Variants in RTKN2 observed in about 807,000 individuals in gnomAD.
RTKN2 encodes the protein rhotekin 2.
A neutral mutation model predicts 71.5 loss-of-function variants in RTKN2; 69 were observed. That is an observed-to-expected ratio of 0.96 (90% CI 0.79 to 1.18). RTKN2 has a LOEUF of 1.18. RTKN2 is among the 50% of genes most tolerant of loss of function. The pLI is 0.00. For synonymous variants in RTKN2, 236 were observed against 236.5 expected (o/e 1.00, Z 0.02); for missense variants, 724 against 719.7 (o/e 1.01, Z -0.07).
downstream of RTKN2, among the ~76,000 whole-genome samples, chr10:62,188,967 C>CACAAGG (rs1841178361): frequency 6.6e-6 from 1 of 151,706 alleles, no homozygotes; most frequent in African/African-American, 2.4e-5. Flanking sequence ...CCAGGATGAT[C>CACAAGG]TCGATCTCCT....
Position 62,196,499 on chromosome 10 carries a change from C to G in RTKN2, c.*1409G>C. On this transcript the variant is annotated 3_prime_UTR_variant, in exon 12 of 12. Coordinates refer to ENST00000373789, the MANE Select transcript of RTKN2 (RefSeq NM_145307.4). ...CATTCTCTATAAATGGAAAAGACCC[C>G]GCTATCTGAAAATAATGAAAGGCTC... 1.0e-6 allele frequency: 1 copy of G among 985,146 alleles called. No individual in the cohort carries two copies. Among genetic ancestry groups the G allele is most frequent in the Non-Finnish European group, 1.2e-6 (1 of 829,772 alleles). The allele number at this position is 985,146 out of a possible 1,614,324, so 61.0% of individuals were successfully genotyped here.
Position 62,217,153 on chromosome 10 carries a change from T to A in RTKN2, c.985A>T (p.Lys329Ter). 6.3e-7 allele frequency: 1 copy of A among 1,596,446 alleles called. No individual in the cohort carries two copies. The highest frequency in any genetic ancestry group is 1.2e-5 in the South Asian group (1 of 86,702). ...CFYSPEEIEA[K>*]VEPALVVPIN... ...GGTACTACCAAAGCTGGTTCCACTT[T>A]AGCTTCAATTTCCTCTGGACTGTAA... Residue 329 changes from lysine to a stop codon, truncating the protein, a stop_gained, in exon 9 of 12, where the codon AAA (lysine) becomes TAA (stop). Coordinates refer to ENST00000373789, the MANE Select transcript of RTKN2 (RefSeq NM_145307.4). LOFTEE classifies it high-confidence loss of function.
At chr10:62,242,934 A>G (rs1842407830) in intron 3 of RTKN2, among the ~76,000 whole-genome samples, 1 of 152,114 alleles carries the variant, frequency 6.6e-6, no homozygotes, top group South Asian at 2.1e-4. Context: ...CTGGGCCTAC[A>G]ATCTATTATC....
intron 2 of RTKN2, among the ~76,000 whole-genome samples, chr10:62,249,155 A>G (rs1842530997): frequency 6.6e-6 from 1 of 152,196 alleles, no homozygotes; most frequent in Non-Finnish European, 1.5e-5. Context: ...TTTGAGATAC[A>G]GTACCTGAGC....
intron 10 of RTKN2, among the ~76,000 whole-genome samples, chr10:62,201,261 T>C (rs1841435536): frequency 1.3e-5 from 2 of 152,162 alleles, no homozygotes; most frequent in Admixed American, 6.5e-5. Flanking sequence ...ATTTTTGTTG[T>C]TTGTAGTTGA....
chr10:62,185,624 A>G (rs899477732), intron 8 of RTKN2, among the ~76,000 whole-genome samples: 1 of 152,222 alleles, frequency 6.6e-6, no homozygotes, highest in African/African-American at 2.4e-5. Flanking sequence ...TCTCAAAAAA[A>G]AAAGATTGCT....
At chr10:62,247,558 A>G (rs1021366105) in intron 2 of RTKN2, among the ~76,000 whole-genome samples, 3 of 151,978 alleles carry the variant, frequency 2.0e-5, no homozygotes, top group Admixed American at 6.6e-5. Flanking sequence ...TTCAAAATAA[A>G]GTTTCATTGA....
intron 1 of RTKN2, among the ~76,000 whole-genome samples, chr10:62,264,105 G>T (rs888691182): frequency 6.6e-6 from 1 of 152,054 alleles, no homozygotes; most frequent in African/African-American, 2.4e-5. Context: ...CCTTCTGAAT[G>T]GATCAAAATG....
At chr10:62,259,955 A>G (rs1842743891) in intron 2 of RTKN2, among the ~76,000 whole-genome samples, 2 of 152,204 alleles carry the variant, frequency 1.3e-5, no homozygotes. Flanking sequence ...GTTCTATTAG[A>G]TATTCGTCAA....
At chr10:62,235,314 A>C (rs960501906) in intron 6 of RTKN2, among the ~76,000 whole-genome samples, 2 of 152,140 alleles carry the variant, frequency 1.3e-5, no homozygotes, top group African/African-American at 2.4e-5. Flanking sequence ...TATGATAATG[A>C]TAATGTGGTT....
chr10:62,256,453 C>G (rs1192536095), intron 2 of RTKN2, among the ~76,000 whole-genome samples: 1 of 152,068 alleles, frequency 6.6e-6, no homozygotes, highest in Non-Finnish European at 1.5e-5. Flanking sequence ...AAAAGATAAA[C>G]AGTTTTCTTC....
chr10:62,195,459 A>T lies in RTKN2; in HGVS notation c.*2449T>A, dbSNP rs1281626863. Reference sequence around the variant, plus strand: ...TTAACTATTTTTAGATTTTTTTTTTAAACTGTAAAGGAAGGGAGGAAGGAG... The same window carrying T: ...TTAACTATTTTTAGATTTTTTTTTTTAACTGTAAAGGAAGGGAGGAAGGAG... On this transcript the variant is annotated 3_prime_UTR_variant, in exon 12 of 12. Transcript: ENST00000373789. 5.6e-5 allele frequency: 54 copies of T among 965,796 alleles called. No individual in the cohort carries two copies. Among genetic ancestry groups the T allele is most frequent in the South Asian group, 9.6e-5 (2 of 20,752 alleles). 59.8% of individuals were successfully genotyped at this position (965,796 alleles called of 1,614,324 possible). A position where few individuals can be genotyped will look rare whatever the true frequency, so the allele number is the denominator to read the frequency against.
intron 4 of RTKN2, among the ~76,000 whole-genome samples, chr10:62,240,582 A>C (rs985277509): frequency 2.0e-5 from 3 of 152,222 alleles, no homozygotes; most frequent in African/African-American, 7.2e-5. Flanking sequence ...CACAATAGAC[A>C]AGAAAGATAA....
At chr10:62,230,299 G>A (rs1037525602) in intron 6 of RTKN2, among the ~76,000 whole-genome samples, 1 of 152,078 alleles carries the variant, frequency 6.6e-6, no homozygotes, top group Admixed American at 6.5e-5. Context: ...AGCCTCCCAA[G>A]TAGCTAGGAT....
chr10:62,262,704 C>T lies in RTKN2; in HGVS notation c.178G>A (p.Val60Met). ...TAGGCCATTAGTCGAGCATTGCACA[C>T]CATGAGATTCTTAACTGCATGTAAA... ...QVLHAVKNLM[V>M]CNARLMAYTS... is the part of the protein sequence containing the mutation. Residue 60 changes from valine to methionine, a missense_variant, in exon 2 of 12, where the codon GTG becomes ATG. Physicochemically the swap from Val to Met is conservative, Grantham distance 21. Transcript: ENST00000373789. 6.2e-7 allele frequency: 1 copy of T among 1,613,580 alleles called. No homozygotes were observed. The highest frequency in any genetic ancestry group is 8.5e-7 in the Non-Finnish European group (1 of 1,179,564).
At chr10:62,264,538 C>T (rs1031946498) in intron 1 of RTKN2, among the ~76,000 whole-genome samples, 2 of 152,166 alleles carry the variant, frequency 1.3e-5, no homozygotes, top group African/African-American at 2.4e-5. Flanking sequence ...ACCCATATGT[C>T]TATAGAAATA....
At chr10:62,252,262 T>C (rs1216141471) in intron 2 of RTKN2, among the ~76,000 whole-genome samples, 1 of 152,026 alleles carries the variant, frequency 6.6e-6, no homozygotes, top group Non-Finnish European at 1.5e-5. Flanking sequence ...AAATGAAAGA[T>C]TAGATTTCTT....
Position 62,196,409 on chromosome 10 carries a change from C to T in RTKN2, c.*1499G>A. 1 of 985,308 alleles carries T rather than the reference C, an allele frequency of 1.0e-6. No homozygotes were observed. Among genetic ancestry groups the T allele is most frequent in the South Asian group, 4.7e-5 (1 of 21,292 alleles). The allele number at this position is 985,308 out of a possible 1,614,324, so 61.0% of individuals were successfully genotyped here. On this transcript the variant is annotated 3_prime_UTR_variant, in exon 12 of 12. Transcript: ENST00000373789. ...CACAAGAAACCTTTTGTTATCATTA[C>T]TCCCTCAAGATTCAATTCTTACTAG...
chr10:62,185,744 T>G (rs1841125750), intron 8 of RTKN2, among the ~76,000 whole-genome samples: 1 of 152,218 alleles, frequency 6.6e-6, no homozygotes, highest in Non-Finnish European at 1.5e-5. Context: ...TCTGAATTCA[T>G]GGCACAGTTA....
Sources: allele counts gnomAD v4.1 joint callset (sites outside exome capture counted in the v4.1 genomes callset), GRCh38; gene constraint gnomAD v4.1.1; transcripts MANE v1.5; gene names NCBI Gene and HGNC (gene_info 2026-07-23, HGNC 2026-07-21).